Variants in EXOC4 observed in about 807,000 individuals in gnomAD.
EXOC4 encodes the protein SEC8-like 1.
EXOC4 carries 71 observed loss-of-function variants against 107.2 expected under a neutral mutation model. That is an observed-to-expected ratio of 0.66 (90% CI 0.55 to 0.81). The LOEUF is 0.81. Among genes scored for constraint, EXOC4 ranks in the 30% least tolerant of loss-of-function variants. EXOC4 has a pLI of 0.00. For synonymous variants in EXOC4, 456 were observed against 441.2 expected (o/e 1.03, Z -0.42); for missense variants, 1,108 against 1,189.6 (o/e 0.93, Z 1.01).
chr7:133,979,565 A>C (rs1793923701), intron 14 of EXOC4, among the ~76,000 whole-genome samples: 6 of 152,144 alleles, frequency 3.9e-5, no homozygotes, highest in African/African-American at 1.4e-4. Flanking sequence ...AGGCAGGTGG[A>C]TCACAAGGTC....
Position 133,872,794 on chromosome 7 carries a change from G to T in EXOC4, c.1735-22805G>T, listed in dbSNP as rs546214018. The stretch of plus-strand genomic sequence containing the variant: ...CCTAAGTAACCCACAGTAAGAGGCT[G>T]TTGAACAATTTCATTTAACACTTTT... On this transcript the variant is annotated intron_variant, in intron 11 of 17. Transcript: ENST00000253861. Among the ~76,000 whole-genome samples the T allele has an allele frequency of 3.3e-5, 5 of 152,286 alleles. No homozygotes were observed. The East Asian group carries it at 9.6e-4, about 29-fold the overall frequency.
chr7:133,832,068 G>A (rs55794894), intron 11 of EXOC4, among the ~76,000 whole-genome samples: 13,664 of 152,124 alleles, frequency 0.09, 847 homozygotes, highest in Non-Finnish European at 0.13. Flanking sequence ...CAGTATATAC[G>A]TATAGCAGTG....
intron 10 of EXOC4, among the ~76,000 whole-genome samples, chr7:133,680,682 A>G (rs1794167903): frequency 1.3e-5 from 2 of 152,210 alleles, no homozygotes; most frequent in African/African-American, 4.8e-5. Flanking sequence ...TATGGAGCAA[A>G]TCACCTTTCA....
At chr7:133,959,062 A>G (rs1022860997) in intron 14 of EXOC4, among the ~76,000 whole-genome samples, 5 of 152,204 alleles carry the variant, frequency 3.3e-5, no homozygotes, top group Admixed American at 3.3e-4. Flanking sequence ...TGGTTCTCCA[A>G]TAAAAGAGAC....
chr7:134,013,702 T>A (rs1794826811), intron 17 of EXOC4, among the ~76,000 whole-genome samples: 1 of 152,192 alleles, frequency 6.6e-6, no homozygotes, highest in Admixed American at 6.5e-5. Context: ...AGTCTATTAA[T>A]AAAAGTATTA....
the EXOC4 span, among the ~76,000 whole-genome samples, chr7:134,076,842 T>G: frequency 6.6e-6 from 1 of 152,114 alleles, no homozygotes; most frequent in African/African-American, 2.4e-5. Context: ...GATCAATGAC[T>G]TACAATGGTT....
At chr7:133,493,912 A>G (rs778556268) in intron 9 of EXOC4, among the ~76,000 whole-genome samples, 14 of 152,156 alleles carry the variant, frequency 9.2e-5, no homozygotes, top group Non-Finnish European at 1.8e-4. Flanking sequence ...CTTCAAAACC[A>G]TTTGGTCTGC....
intron 9 of EXOC4, among the ~76,000 whole-genome samples, chr7:133,485,693 G>A (rs528813252): frequency 2.0e-5 from 3 of 152,172 alleles, no homozygotes; most frequent in South Asian, 2.1e-4. Flanking sequence ...GTACATTTCA[G>A]TACCTAGGAT....
At chr7:133,597,566 A>AAAAAAAAACCCCC (rs1336160814) in intron 9 of EXOC4, among the ~76,000 whole-genome samples, 295 of 147,160 alleles carry the variant, frequency 2.0e-3, no homozygotes, top group African/African-American at 7.5e-3. Context: ...AAAAAAAAAA[A>AAAAAAAAACCCCC]AAAAAAAAAC....
intron 10 of EXOC4, among the ~76,000 whole-genome samples, chr7:133,774,294 A>G (rs1351281290): frequency 6.6e-6 from 1 of 152,092 alleles, no homozygotes; most frequent in Non-Finnish European, 1.5e-5. Context: ...TTGCTTTCTA[A>G]ATGAATGCAG....
At chr7:134,095,234 TA>T in the EXOC4 span, among the ~76,000 whole-genome samples, 1 of 151,098 alleles carries the variant, frequency 6.6e-6, no homozygotes, top group East Asian at 1.9e-4. Context: ...AACACCAACA[TA>T]AAAAATCCTA....
chr7:133,881,512 G>T (rs1042124097), intron 11 of EXOC4, among the ~76,000 whole-genome samples: 2 of 151,814 alleles, frequency 1.3e-5, no homozygotes, highest in African/African-American at 2.4e-5. Flanking sequence ...CTTCTTCTGT[G>T]CCTCTACTGT....
At chr7:133,599,439 A>G (rs1273443737) in intron 9 of EXOC4, among the ~76,000 whole-genome samples, 1 of 152,086 alleles carries the variant, frequency 6.6e-6, no homozygotes, top group African/African-American at 2.4e-5. Flanking sequence ...TCACTTTATC[A>G]TCCTTTTCTC....
chr7:133,503,212 T>C (rs980447169), intron 9 of EXOC4, among the ~76,000 whole-genome samples: 4 of 152,280 alleles, frequency 2.6e-5, no homozygotes, highest in Middle Eastern at 3.4e-3. Context: ...TTCTCTCATA[T>C]TCTCCTAGCA....
chr7:133,413,946 T>G (rs1403441156), intron 7 of EXOC4, among the ~76,000 whole-genome samples: 1 of 152,046 alleles, frequency 6.6e-6, no homozygotes, highest in African/African-American at 2.4e-5. Context: ...TTGAAGCAGA[T>G]ATAAAAATCA....
chr7:133,465,290 C>A (rs1798700809), intron 7 of EXOC4, among the ~76,000 whole-genome samples: 1 of 152,110 alleles, frequency 6.6e-6, no homozygotes, highest in South Asian at 2.1e-4. Flanking sequence ...GATGTTGAGA[C>A]CATTTTTGTG....
chr7:134,084,198 A>G, the EXOC4 span, among the ~76,000 whole-genome samples: 1 of 152,228 alleles, frequency 6.6e-6, no homozygotes, highest in Admixed American at 6.5e-5. Flanking sequence ...GGTCACCAGC[A>G]ATAACTGGCC....
At chr7:133,558,189 C>CTCCTTTTCTTT (rs1800731749) in intron 9 of EXOC4, among the ~76,000 whole-genome samples, 3 of 114,362 alleles carry the variant, frequency 2.6e-5, no homozygotes, top group Non-Finnish European at 5.5e-5. Context: ...TTGGTTCCTT[C>CTCCTTTTCTTT]TCTTTTCTTT....
At chr7:134,080,793 A>ATAT in the EXOC4 span, among the ~76,000 whole-genome samples, 3 of 151,962 alleles carry the variant, frequency 2.0e-5, no homozygotes, top group African/African-American at 7.2e-5. Context: ...TATATATATA[A>ATAT]AAATTAGCCA....
Sources: allele counts gnomAD v4.1 joint callset (sites outside exome capture counted in the v4.1 genomes callset), GRCh38; gene constraint gnomAD v4.1.1; transcripts MANE v1.5; gene names NCBI Gene and HGNC (gene_info 2026-07-23, HGNC 2026-07-21).